The following IL1RAPL2 variants were observed in gnomAD, a reference collection of about 807,000 sequenced individuals.
IL1RAPL2 encodes interleukin 1 receptor accessory protein like 2.
In IL1RAPL2, 3 loss-of-function variants were observed where a neutral mutation model predicts 44.1. The ratio of observed to expected loss-of-function variants is 0.07; its 90% CI spans 0.03 to 0.18. The LOEUF is 0.18. IL1RAPL2 is among the 10% of genes least tolerant of loss of function. The pLI is 1.00. For missense variants in IL1RAPL2, 391 were observed against 496.4 expected (o/e 0.79, Z 2.02); for synonymous variants, 181 against 178.8 (o/e 1.01, Z -0.10).
At chrX:105,460,666 A>G (rs1461691041) in intron 5 of IL1RAPL2, among the ~76,000 whole-genome samples, 2 of 111,779 alleles carry the variant, frequency 1.8e-5, no homozygotes, top group African/African-American at 6.5e-5. Context: ...ATCTCTCACT[A>G]GAATATTACA....
chrX:105,386,011 G>A (rs1000770614), intron 5 of IL1RAPL2, among the ~76,000 whole-genome samples: 1 of 111,234 alleles, frequency 9.0e-6, no homozygotes, highest in Admixed American at 9.6e-5. Context: ...ATGTTTCTTT[G>A]CTTCCTCATA....
intron 5 of IL1RAPL2, among the ~76,000 whole-genome samples, chrX:105,345,059 AT>A (rs2035099917): frequency 8.9e-6 from 1 of 111,821 alleles, no homozygotes; most frequent in South Asian, 3.7e-4. Context: ...TATACCAAAG[AT>A]TTATAAGGTA....
At chrX:105,301,735 T>C (rs956532085) in intron 5 of IL1RAPL2, among the ~76,000 whole-genome samples, 2 of 112,401 alleles carry the variant, frequency 1.8e-5, no homozygotes, top group Admixed American at 9.4e-5. Context: ...TAGTACTCCA[T>C]TGTGTATATG....
chrX:104,980,953 G>A (rs1246973123), intron 2 of IL1RAPL2, among the ~76,000 whole-genome samples: 1 of 110,894 alleles, frequency 9.0e-6, no homozygotes, highest in Non-Finnish European at 1.9e-5. Context: ...AGCATGGAAT[G>A]CTTTTCCATT....
rs765874219 is a variant in IL1RAPL2 at position 105,740,623 on chromosome X, C to T, written c.980C>T (p.Ala327Val). The part of the protein sequence containing the change: ...IFDSVVEADL[A>V]NYTCHVENRN... ...GACTCAGTTGTGGAAGCTGACCTGG[C>T]GAATTATACCTGCCATGTTGAAAAC... The change falls in exon 8 of 11, where the codon GCG becomes GTG. Residue 327 changes from alanine to valine, a missense_variant. Coordinates refer to ENST00000372582, the MANE Select transcript of IL1RAPL2 (RefSeq NM_017416.2). 65 of 1,204,868 alleles carry T rather than the reference C, an allele frequency of 5.4e-5. No individual in the cohort carries two copies. The highest frequency in any genetic ancestry group is 2.2e-5 in the Admixed American group (1 of 45,578).
intron 2 of IL1RAPL2, among the ~76,000 whole-genome samples, chrX:104,767,293 T>G (rs759383157): frequency 1.8e-5 from 2 of 112,076 alleles, no homozygotes; most frequent in South Asian, 7.4e-4. Context: ...TTGCAATTTA[T>G]TTTACATTGC....
chrX:105,336,768 G>A (rs2035031856), intron 5 of IL1RAPL2, among the ~76,000 whole-genome samples: 1 of 112,023 alleles, frequency 8.9e-6, no homozygotes, highest in African/African-American at 3.2e-5. Context: ...CATGATCCAA[G>A]TGATACATAA....
intron 2 of IL1RAPL2, among the ~76,000 whole-genome samples, chrX:105,078,399 G>T (rs2032344955): frequency 9.0e-6 from 1 of 110,900 alleles, no homozygotes; most frequent in African/African-American, 3.3e-5. Context: ...TGGAAGTTTT[G>T]TCTCAGAGGA....
At chrX:104,976,044 CTT>C (rs1394033595) in intron 2 of IL1RAPL2, among the ~76,000 whole-genome samples, 1 of 106,920 alleles carries the variant, frequency 9.4e-6, no homozygotes, top group African/African-American at 3.4e-5. Context: ...CCATTTTCCT[CTT>C]TTTTTTTTAT....
chrX:105,764,441 T>C (rs2038712866), intron 10 of IL1RAPL2, among the ~76,000 whole-genome samples: 1 of 112,052 alleles, frequency 8.9e-6, no homozygotes, highest in Non-Finnish European at 1.9e-5. Context: ...AATTACTACA[T>C]GTGCGTACAG....
At chrX:104,794,807 A>C (rs753754138) in intron 2 of IL1RAPL2, among the ~76,000 whole-genome samples, 6 of 112,143 alleles carry the variant, frequency 5.4e-5, no homozygotes, top group Admixed American at 9.5e-5. Flanking sequence ...CAGTTAATGC[A>C]TGCTTTCCCT....
At chrX:104,940,100 G>C (rs1925128306) in intron 2 of IL1RAPL2, among the ~76,000 whole-genome samples, 1 of 111,768 alleles carries the variant, frequency 8.9e-6, no homozygotes. Context: ...AGTATGTATA[G>C]TATGTGAATT....
chrX:105,699,867 A>G (rs1362387344), intron 6 of IL1RAPL2, among the ~76,000 whole-genome samples: 4 of 111,946 alleles, frequency 3.6e-5, no homozygotes, highest in Non-Finnish European at 7.5e-5. Flanking sequence ...AGTTGCAGTC[A>G]GCTCATGTTG....
chrX:104,961,121 T>G (rs1426829631), intron 2 of IL1RAPL2, among the ~76,000 whole-genome samples: 1 of 111,287 alleles, frequency 9.0e-6, no homozygotes, highest in Non-Finnish European at 1.9e-5. Context: ...TGAAAAAGTT[T>G]GTAAAAGCAT....
intron 2 of IL1RAPL2, among the ~76,000 whole-genome samples, chrX:104,729,009 TAAGTC>T (rs1208700027): frequency 9.0e-6 from 1 of 111,533 alleles, no homozygotes; most frequent in Non-Finnish European, 1.9e-5. Flanking sequence ...CTTTAGACTT[TAAGTC>T]AAGTATGCAT....
At chrX:105,199,984 T>C (rs1556144783) in intron 3 of IL1RAPL2, among the ~76,000 whole-genome samples, 1 of 111,618 alleles carries the variant, frequency 9.0e-6, no homozygotes, top group Non-Finnish European at 1.9e-5. Flanking sequence ...TTTTCATATC[T>C]AGTAGTGGCC....
At chrX:105,118,045 C>T (rs1199576887) in intron 2 of IL1RAPL2, among the ~76,000 whole-genome samples, 1 of 111,808 alleles carries the variant, frequency 8.9e-6, no homozygotes, top group Non-Finnish European at 1.9e-5. Context: ...TAGTTGTTGC[C>T]TGACAGACTT....
At chrX:105,131,046 T>C (rs1017113143) in intron 2 of IL1RAPL2, among the ~76,000 whole-genome samples, 2 of 111,473 alleles carry the variant, frequency 1.8e-5, no homozygotes, top group African/African-American at 6.5e-5. Flanking sequence ...AATGGGAAGG[T>C]AGTGTAACTA....
chrX:104,569,007 A>T (rs777583354), intron 1 of IL1RAPL2, among the ~76,000 whole-genome samples: 1 of 111,988 alleles, frequency 8.9e-6, no homozygotes, highest in African/African-American at 3.2e-5. Flanking sequence ...TAGCGTTTAA[A>T]TGTGGATAAA....
Sources: gnomAD v4.1 joint callset for allele counts (sites outside exome capture counted in the v4.1 genomes callset) on GRCh38, gnomAD v4.1.1 for gene constraint, MANE v1.5 for transcripts, NCBI Gene and HGNC (gene_info 2026-07-23, HGNC 2026-07-21) for gene names.